The following KCNK2 variants were observed in gnomAD, a reference collection of about 807,000 sequenced individuals.
KCNK2 encodes the protein potassium channel subfamily K member 2.
In KCNK2, 21 loss-of-function variants were observed where a neutral mutation model predicts 40.5. The ratio of observed to expected loss-of-function variants is 0.52; its 90% CI spans 0.37 to 0.75. The LOEUF is 0.75. KCNK2 is among the 30% of genes least tolerant of loss of function. KCNK2 has a pLI of 0.00. For missense variants in KCNK2, 399 were observed against 531.6 expected, an observed-to-expected ratio of 0.75 and a Z score of 2.45; for synonymous variants, 191 against 202.2, an observed-to-expected ratio of 0.94 and a Z score of 0.47.
chr1:215,118,944 A>C (rs1429307660), intron 2 of KCNK2, among the ~76,000 whole-genome samples: 6 of 152,250 alleles, frequency 3.9e-5, no homozygotes, highest in African/African-American at 1.4e-4. Context: ...CAGAGGAGGA[A>C]TTTGTTCAAA....
At chr1:215,018,769 A>C (rs2841607) in intron 1 of KCNK2, among the ~76,000 whole-genome samples, 66,874 of 152,022 alleles carry the variant, frequency 0.44, 16,401 homozygotes, top group Non-Finnish European at 0.55. Flanking sequence ...TGGTCTTTCA[A>C]TTCTAAACAT....
chr1:215,112,962 C>T (rs1001098113), intron 2 of KCNK2, among the ~76,000 whole-genome samples: 6 of 152,050 alleles, frequency 3.9e-5, no homozygotes, highest in Non-Finnish European at 8.8e-5. Flanking sequence ...AGTGTAGTCA[C>T]GTGTCGCTTA....
At chr1:215,180,631 G>C (rs1488942728) in intron 5 of KCNK2, among the ~76,000 whole-genome samples, 2 of 151,876 alleles carry the variant, frequency 1.3e-5, no homozygotes, top group Admixed American at 6.6e-5. Flanking sequence ...TTAGGTTGGT[G>C]GAATATAAAA....
Position 215,074,892 on chromosome 1 carries a change from G to A in KCNK2, c.35-11476G>A, listed in dbSNP as rs527762612. Among the ~76,000 whole-genome samples the A allele has an allele frequency of 1.0e-3, 158 of 152,188 alleles. 1 individual carries two copies. The highest frequency in any genetic ancestry group is 1.5e-3 in the Non-Finnish European group (105 of 67,994). On this transcript the variant is annotated intron_variant, in intron 1 of 6. Transcript: ENST00000391895. ...AAATCCCACAGCAGAATTTCCTCCC[G>A]AAAATGGAGTAAATTCTAATGTTTT...
chr1:215,187,073 A>T (rs998263068), intron 5 of KCNK2, among the ~76,000 whole-genome samples: 15 of 152,026 alleles, frequency 9.9e-5, no homozygotes, highest in African/African-American at 3.1e-4. Flanking sequence ...GGGCTCAAGT[A>T]ATCCTCTTGC....
At chr1:215,159,486 G>T (rs1663094841) in intron 3 of KCNK2, among the ~76,000 whole-genome samples, 1 of 152,176 alleles carries the variant, frequency 6.6e-6, no homozygotes, top group Admixed American at 6.5e-5. Flanking sequence ...ACTGGGGACA[G>T]AGGCGGACGG....
chr1:215,125,739 A>AGT (rs1661392680), intron 3 of KCNK2, among the ~76,000 whole-genome samples: 1 of 124,328 alleles, frequency 8.0e-6, no homozygotes, highest in Non-Finnish European at 1.6e-5. Context: ...AAGTATAATA[A>AGT]ATATATATAT....
chr1:215,098,477 G>A (rs1660075722), intron 2 of KCNK2, among the ~76,000 whole-genome samples: 2 of 151,642 alleles, frequency 1.3e-5, no homozygotes, highest in African/African-American at 4.8e-5. Flanking sequence ...TCTTTCTCCT[G>A]GATTGTGAGA....
intron 3 of KCNK2, 142 bp downstream of exon 3, chr1:215,124,892 G>A (rs1661349026): frequency 1.6e-6 from 1 of 635,916 alleles, no homozygotes; most frequent in East Asian, 2.6e-5. Flanking sequence ...TTTGAAAAGG[G>A]GATTTAAAGA....
At chr1:215,044,822 T>TGC (rs1172451883) in intron 1 of KCNK2, among the ~76,000 whole-genome samples, 3 of 65,676 alleles carry the variant, frequency 4.6e-5, no homozygotes, top group African/African-American at 1.4e-4. Flanking sequence ...TGTGTGTGTG[T>TGC]GTGTGCGCGC....
chr1:215,195,813 G>A (rs1363798395), intron 6 of KCNK2, among the ~76,000 whole-genome samples: 1 of 152,140 alleles, frequency 6.6e-6, no homozygotes, highest in Non-Finnish European at 1.5e-5. Flanking sequence ...ACAGGGTAAT[G>A]TTTTATTATG....
chr1:215,169,136 A>G, intron 3 of KCNK2, 63 bp from the exon 4 acceptor site: 1 of 1,360,634 alleles, frequency 7.3e-7, no homozygotes, highest in Non-Finnish European at 1.0e-6. Context: ...TTCTGAATCA[A>G]TCTTGAGTTC....
chr1:215,081,866 G>C (rs112027361), upstream of KCNK2: 11 of 152,326 alleles, frequency 7.2e-5, no homozygotes, highest in African/African-American at 2.7e-4. Flanking sequence ...TCCTTGGTGG[G>C]TTCCGTTCCG....
intron 6 of KCNK2, among the ~76,000 whole-genome samples, chr1:215,214,787 C>T (rs1214036489): frequency 6.6e-6 from 1 of 152,066 alleles, no homozygotes; most frequent in Admixed American, 6.6e-5. Flanking sequence ...GATCATGCCA[C>T]TGCACTTCAG....
At chr1:215,221,412 C>CA (rs1666169351) in intron 6 of KCNK2, among the ~76,000 whole-genome samples, 1 of 151,980 alleles carries the variant, frequency 6.6e-6, no homozygotes, top group South Asian at 2.1e-4. Flanking sequence ...ACAAAAAACA[C>CA]ACAAAAAAAT....
At chr1:215,230,586 A>AT (rs1666617745) in intron 6 of KCNK2, among the ~76,000 whole-genome samples, 2 of 122,720 alleles carry the variant, frequency 1.6e-5, no homozygotes, top group Admixed American at 8.6e-5. Context: ...ACAAGACCGT[A>AT]ATATATATAT....
intron 1 of KCNK2, among the ~76,000 whole-genome samples, chr1:215,027,872 A>C (rs1657050657): frequency 6.6e-6 from 1 of 152,180 alleles, no homozygotes; most frequent in Admixed American, 6.5e-5. Context: ...AAGTTTCTTT[A>C]GTTTACATTG....
upstream of KCNK2, among the ~76,000 whole-genome samples, chr1:215,081,165 ATGTGTGTGTGTGTGTG>A (rs34229936): frequency 1.3e-5 from 2 of 149,376 alleles, no homozygotes; most frequent in East Asian, 2.0e-4. Flanking sequence ...GTACACGCAA[ATGTGTGTGTGTGTGTG>A]TGTGTGTGTG....
chr1:215,208,944 C>T (rs901081361), intron 6 of KCNK2, among the ~76,000 whole-genome samples: 5 of 151,754 alleles, frequency 3.3e-5, no homozygotes, highest in Admixed American at 2.0e-4. Flanking sequence ...TCTCCTGTCT[C>T]GGCATGCATA....
Sources: allele counts gnomAD v4.1 joint callset (sites outside exome capture counted in the v4.1 genomes callset), GRCh38; gene constraint gnomAD v4.1.1; transcripts MANE v1.5; gene names NCBI Gene and HGNC (gene_info 2026-07-23, HGNC 2026-07-21).